Variants in COL26A1 observed in about 807,000 individuals in gnomAD.
COL26A1 encodes the protein collagen alpha-1(XXVI) chain.
Under a neutral mutation model 59.3 loss-of-function variants are expected in COL26A1, and 41 were observed. That is an observed-to-expected ratio of 0.69 (90% CI 0.54 to 0.90). The LOEUF is 0.90. Among genes scored for constraint, COL26A1 ranks in the 40% least tolerant of loss-of-function variants. COL26A1 has a pLI of 0.00. For synonymous variants in COL26A1, 266 were observed against 256.0 expected (o/e 1.04, Z -0.37); for missense variants, 612 against 602.3 (o/e 1.02, Z -0.17).
At chr7:101,482,646 C>T (rs935221410) in intron 3 of COL26A1, among the ~76,000 whole-genome samples, 1 of 152,144 alleles carries the variant, frequency 6.6e-6, no homozygotes, top group African/African-American at 2.4e-5. Flanking sequence ...GCTTCATGTG[C>T]AGTGCTGGTC....
At position 101,547,185 on chromosome 7, in the gene COL26A1, G is replaced by A. The variant is rs768037612; in HGVS notation, c.886G>A (p.Val296Met). ...NGDSRLASAI[V>M]DTVLAGVPGP... ...AGACTCAAGGCTGGCCTCTGCCATC[G>A]TGGACACAGTGCTGGCAGGTGTCCC... The change falls in exon 8 of 13, where the codon GTG (valine) becomes ATG (methionine). Residue 296 changes from valine to methionine, a missense_variant. Coordinates refer to ENST00000313669, the MANE Select transcript of COL26A1 (RefSeq NM_001278563.3). 10 of 1,598,666 alleles carry A rather than the reference G, an allele frequency of 6.3e-6. No homozygotes were observed. The highest frequency in any genetic ancestry group is 4.0e-5 in the African/African-American group (3 of 74,482).
chr7:101,433,711 C>G lies in COL26A1; in HGVS notation c.281+13612C>G, dbSNP rs556891714. Among the ~76,000 whole-genome samples, 254 of 152,092 alleles carry G rather than the reference C, an allele frequency of 1.7e-3. 1 individual carries two copies. Among genetic ancestry groups the G allele is most frequent in the African/African-American group, 5.8e-3 (239 of 41,506 alleles). On this transcript the variant is annotated intron_variant, in intron 2 of 12. Coordinates refer to ENST00000313669, the MANE Select transcript of COL26A1 (RefSeq NM_001278563.3). The stretch of plus-strand genomic sequence containing the variant: ...AGGGACCAATGCTGGAGAAGCCGAG[C>G]AGGGTGGCTCGGAGAAAGAGGGGGG...
intron 5 of COL26A1, among the ~76,000 whole-genome samples, chr7:101,542,811 C>T (rs1795644586): frequency 6.6e-6 from 1 of 152,170 alleles, no homozygotes; most frequent in Non-Finnish European, 1.5e-5. Flanking sequence ...GCCTACCCCT[C>T]GAGCCGCTGT....
intron 1 of COL26A1, among the ~76,000 whole-genome samples, chr7:101,398,258 T>C (rs554564795): frequency 6.6e-6 from 1 of 152,296 alleles, no homozygotes; most frequent in South Asian, 2.1e-4. Context: ...GAGCTGGAGC[T>C]TGTCAGCTTG....
At position 101,525,686 on chromosome 7, in the gene COL26A1, C is replaced by T. The variant is rs189632887; in HGVS notation, c.386-7396C>T. 5.4e-3 allele frequency among the ~76,000 whole-genome samples: 817 copies of T among 151,638 alleles called. 5 individuals are homozygous for T. The highest frequency in any genetic ancestry group is 8.6e-3 in the Non-Finnish European group (581 of 67,900). On this transcript the variant is annotated intron_variant, in intron 3 of 12. Coordinates refer to ENST00000313669, the MANE Select transcript of COL26A1 (RefSeq NM_001278563.3). The stretch of plus-strand genomic sequence containing the variant: ...TAATTTTTTGTATTTTTAGTAGAGA[C>T]GGGGTTTCACTGTGTTAGCCAGGAT...
chr7:101,372,485 T>C (rs1182154749), intron 1 of COL26A1, among the ~76,000 whole-genome samples: 1 of 152,114 alleles, frequency 6.6e-6, no homozygotes, highest in East Asian at 1.9e-4. Context: ...TTTGTTAGGA[T>C]TGTGTTCCTG....
intron 3 of COL26A1, among the ~76,000 whole-genome samples, chr7:101,475,924 TTC>T (rs915213781): frequency 7.2e-6 from 1 of 138,844 alleles, no homozygotes; most frequent in Non-Finnish European, 1.6e-5. Flanking sequence ...CTCTCTTTCT[TTC>T]TCTCTCTCTT....
At chr7:101,518,709 C>T (rs887093464) in intron 3 of COL26A1, among the ~76,000 whole-genome samples, 6 of 152,180 alleles carry the variant, frequency 3.9e-5, no homozygotes, top group Non-Finnish European at 7.3e-5. Context: ...TCGCTGAAAC[C>T]GGCAAGATAA....
chr7:101,456,168 A>ATATT (rs1163899499), intron 3 of COL26A1, among the ~76,000 whole-genome samples: 43 of 124,592 alleles, frequency 3.5e-4, no homozygotes, highest in African/African-American at 8.9e-4. Context: ...ATATATATAT[A>ATATT]TTTTTTTTTT....
chr7:101,534,018 C>T (rs1795426323), intron 4 of COL26A1, among the ~76,000 whole-genome samples: 8 of 152,216 alleles, frequency 5.3e-5, no homozygotes, highest in Admixed American at 5.2e-4. Flanking sequence ...CGTTCTCACC[C>T]AGAGGGCTTG....
intron 3 of COL26A1, among the ~76,000 whole-genome samples, chr7:101,489,814 CTTT>C (rs1563008039): frequency 0.016 from 70 of 4,298 alleles, 5 homozygotes; most frequent in Non-Finnish European, 0.021. Context: ...TTCTTTCTTT[CTTT>C]CTTTCTTTCT....
intron 3 of COL26A1, among the ~76,000 whole-genome samples, chr7:101,454,683 G>A (rs904275810): frequency 3.9e-5 from 6 of 152,120 alleles, no homozygotes; most frequent in African/African-American, 7.2e-5. Context: ...ATCCCTAAGC[G>A]CAAAGAAGCT....
intron 9 of COL26A1, among the ~76,000 whole-genome samples, chr7:101,549,513 C>G (rs531780714): frequency 6.6e-6 from 1 of 152,048 alleles, no homozygotes; most frequent in African/African-American, 2.4e-5. Flanking sequence ...CCGGATTAGC[C>G]GGGACCACAG....
At chr7:101,379,535 T>G (rs1239692535) in intron 1 of COL26A1, among the ~76,000 whole-genome samples, 1 of 152,156 alleles carries the variant, frequency 6.6e-6, no homozygotes, top group Non-Finnish European at 1.5e-5. Context: ...TTGCACAGAT[T>G]GTTGCCCCTG....
chr7:101,426,478 A>G (rs940921273), intron 2 of COL26A1, among the ~76,000 whole-genome samples: 2 of 152,190 alleles, frequency 1.3e-5, no homozygotes, highest in African/African-American at 4.8e-5. Flanking sequence ...AGGTCGCAGA[A>G]GGGCAGCAGC....
At chr7:101,552,503 G>C (rs1380815336) in intron 10 of COL26A1, among the ~76,000 whole-genome samples, 2 of 152,198 alleles carry the variant, frequency 1.3e-5, no homozygotes, top group Non-Finnish European at 2.9e-5. Flanking sequence ...CATAGTCCTA[G>C]TTACTCAGGA....
intron 3 of COL26A1, among the ~76,000 whole-genome samples, chr7:101,450,783 A>T (rs1793314728): frequency 7.0e-6 from 1 of 143,688 alleles, no homozygotes; most frequent in Non-Finnish European, 1.5e-5. Flanking sequence ...TATGAATATG[A>T]ATTCCATAGT....
At chr7:101,371,081 C>G (rs13235901) in intron 1 of COL26A1, among the ~76,000 whole-genome samples, 88,246 of 152,106 alleles carry the variant, frequency 0.58, 27,184 homozygotes, top group African/African-American at 0.8. Context: ...TTAGCCCTGC[C>G]CACCACCCAC....
intron 3 of COL26A1, among the ~76,000 whole-genome samples, chr7:101,531,465 A>G (rs1329964084): frequency 6.6e-6 from 1 of 152,198 alleles, no homozygotes; most frequent in Non-Finnish European, 1.5e-5. Context: ...CTCAGTCTTC[A>G]ATCTGTTTTA....
Sources: allele counts gnomAD v4.1 joint callset (sites outside exome capture counted in the v4.1 genomes callset), GRCh38; gene constraint gnomAD v4.1.1; transcripts MANE v1.5; gene names NCBI Gene and HGNC (gene_info 2026-07-23, HGNC 2026-07-21).